Variants in MAP3K15 observed in about 807,000 individuals in gnomAD.
The protein encoded by MAP3K15 is mitogen-activated protein kinase kinase kinase 15, also known as MAPK/ERK kinase kinase 15.
In MAP3K15, 124 loss-of-function variants were observed where a neutral mutation model predicts 99.5. That is an observed-to-expected ratio of 1.25 (90% CI 1.08 to 1.45). The LOEUF is 1.45. Ranked by LOEUF, MAP3K15 falls within the 40% of genes most tolerant of loss-of-function variation. The probability of loss-of-function intolerance (pLI) is 0.00; values close to 1 mark genes in which losing one functional copy is unlikely to be tolerated. For synonymous variants in MAP3K15, 494 were observed against 439.6 expected (o/e 1.12, Z -1.55); for missense variants, 1,242 against 1,079.7 (o/e 1.15, Z -2.11).
chrX:19,413,229 G>C, intron 11 of MAP3K15, 128 bp downstream of exon 11: 1 of 492,749 alleles, frequency 2.0e-6, no homozygotes, highest in Non-Finnish European at 3.5e-6. Flanking sequence ...TCTCTCATCT[G>C]TGATGATACT....
At chrX:19,477,664 C>A in intron 3 of MAP3K15, among the ~76,000 whole-genome samples, 1 of 67,410 alleles carries the variant, frequency 1.5e-5, no homozygotes, top group African/African-American at 5.1e-5. Flanking sequence ...GAGCCAAGAT[C>A]ATGCCACTGC....
At chrX:19,426,381 A>G (rs781469974) in intron 7 of MAP3K15, 38 bp from the exon 8 acceptor site, 2 of 825,562 alleles carry the variant, frequency 2.4e-6, no homozygotes, top group East Asian at 7.8e-5. Flanking sequence ...ATTATATTAC[A>G]ACAAAAAATG....
chrX:19,460,266 GC>G, intron 4 of MAP3K15, 113 bp from the exon 5 acceptor site: 1 of 445,187 alleles, frequency 2.2e-6, no homozygotes. Flanking sequence ...AGGGACCTCG[GC>G]CCAGACCTGA....
At chrX:19,398,063 C>CAAA (rs147279112) in intron 15 of MAP3K15, among the ~76,000 whole-genome samples, 163 bp downstream of exon 15, 1 of 50,242 alleles carries the variant, frequency 2.0e-5, no homozygotes, top group African/African-American at 5.7e-5. Flanking sequence ...GACTCCGTTT[C>CAAA]AAAAAAAAAA....
intron 3 of MAP3K15, among the ~76,000 whole-genome samples, chrX:19,486,087 A>G (rs1484478766): frequency 9.0e-6 from 1 of 111,426 alleles, no homozygotes; most frequent in Non-Finnish European, 1.9e-5. Context: ...CTGGCATACA[A>G]CTTCACGTTC....
chrX:19,418,842 T>C (rs775984138), intron 9 of MAP3K15, among the ~76,000 whole-genome samples: 7 of 111,912 alleles, frequency 6.3e-5, no homozygotes, highest in Non-Finnish European at 1.1e-4. Flanking sequence ...CTGATCTCTC[T>C]GCAGAAACTC....
intron 3 of MAP3K15, among the ~76,000 whole-genome samples, chrX:19,475,015 G>A (rs1281516832): frequency 9.0e-6 from 1 of 110,643 alleles, no homozygotes. Flanking sequence ...AGGGAGGATG[G>A]TTTCAGGATG....
At chrX:19,483,930 GT>G (rs1335777384) in intron 3 of MAP3K15, among the ~76,000 whole-genome samples, 2 of 111,497 alleles carry the variant, frequency 1.8e-5, no homozygotes, top group Non-Finnish European at 3.8e-5. Flanking sequence ...TCAAGGCTTA[GT>G]TCCCTTTAGC....
rs765965556 is a variant in MAP3K15 at position 19,400,581 on chromosome X, A to G, written c.1927T>C (p.Leu643=). ...CTAGATCGTCCATGACTCACCTCCAAGGTGTCTCCATCGGTCTCTCCCTCC... is the reference window on the plus strand; with the variant it reads ...CTAGATCGTCCATGACTCACCTCCAGGGTGTCTCCATCGGTCTCTCCCTCC... ...ELEGETDGDT[L]EYEYDHDANG... The change falls in exon 14 of 29, where the codon TTG becomes CTG. Residue 643 remains leucine, a synonymous_variant. Coordinates refer to ENST00000338883, the MANE Select transcript of MAP3K15 (RefSeq NM_001001671.4). 1 of 1,193,664 alleles carries G rather than the reference A, an allele frequency of 8.4e-7. No homozygotes were observed. The highest frequency in any genetic ancestry group is 1.1e-6 in the Non-Finnish European group (1 of 880,355).
At chrX:19,453,962 C>T (rs1260186518) in intron 6 of MAP3K15, among the ~76,000 whole-genome samples, 1 of 111,593 alleles carries the variant, frequency 9.0e-6, no homozygotes, top group Admixed American at 9.5e-5. Context: ...GAGACTAAGG[C>T]TCAGGTGAAT....
Position 19,474,546 on chromosome X carries a change from G to GA in MAP3K15, c.526-10141_526-10140insT, listed in dbSNP as rs1318127479. On this transcript the variant is annotated intron_variant, in intron 3 of 28. Transcript: ENST00000338883. ...AGATCCAGTCATTCTTGGAGGTTGG[G>GA]GGGGGGGGTCTGTGAACTTGAAAGA... Among the ~76,000 whole-genome samples the GA allele has an allele frequency of 5.1e-5, 5 of 97,178 alleles. 1 individual carries two copies. The highest frequency in any genetic ancestry group is 1.1e-4 in the Admixed American group (1 of 9,104). 84.4% of individuals were successfully genotyped at this position (97,178 alleles called of 115,157 possible). A position where few individuals can be genotyped will look rare whatever the true frequency, so the allele number is the denominator to read the frequency against.
intron 2 of MAP3K15, 116 bp from the exon 3 acceptor site, chrX:19,486,621 A>G (rs1171930409): frequency 3.3e-6 from 1 of 299,172 alleles, no homozygotes. Flanking sequence ...TAATCACATA[A>G]AAGCACCCAC....
chrX:19,470,575 G>A (rs1030069867), intron 3 of MAP3K15, among the ~76,000 whole-genome samples: 1 of 109,946 alleles, frequency 9.1e-6, no homozygotes, highest in Non-Finnish European at 1.9e-5. Context: ...GACATCAGAG[G>A]CTGCCCATTG....
Position 19,486,485 on chromosome X carries a change from GT to G in MAP3K15, c.521del (p.Asn174ThrfsTer15). The G allele has an allele frequency of 2.0e-5, 17 of 848,030 alleles. No homozygotes were observed. Among genetic ancestry groups the G allele is most frequent in the East Asian group, 3.8e-5 (1 of 26,608 alleles). The allele number at this position is 848,030 out of a possible 1,213,427, so 69.9% of individuals were successfully genotyped here. A position where few individuals can be genotyped will look rare whatever the true frequency, so the allele number is the denominator to read the frequency against. ...LSLKDMVTQK[N>X]TASSGNYYFI... Reference sequence around the variant, plus strand: ...TTCTGAAAATGTTAATACTTACTGTGTTTTTTTGAGTTACCATGTCCTGAAA... The same window carrying G: ...TTCTGAAAATGTTAATACTTACTGTGTTTTTTGAGTTACCATGTCCTGAAA... On this transcript the variant is annotated frameshift_variant, in exon 3 of 29. Coordinates refer to ENST00000338883, the MANE Select transcript of MAP3K15 (RefSeq NM_001001671.4). LOFTEE classifies it high-confidence loss of function.
At chrX:19,372,094 G>A (rs2063379153) in intron 22 of MAP3K15, among the ~76,000 whole-genome samples, 2 of 103,120 alleles carry the variant, frequency 1.9e-5, no homozygotes, top group Admixed American at 2.2e-4. Flanking sequence ...AGATCACACC[G>A]CTGCACTCCA....
At chrX:19,465,120 C>T (rs2064157163) in intron 3 of MAP3K15, among the ~76,000 whole-genome samples, 1 of 110,925 alleles carries the variant, frequency 9.0e-6, no homozygotes, top group African/African-American at 3.3e-5. Flanking sequence ...TCTCAAACTT[C>T]AGGGCTCAAA....
chrX:19,461,287 G>A (rs2064131491), intron 4 of MAP3K15, among the ~76,000 whole-genome samples: 1 of 111,314 alleles, frequency 9.0e-6, no homozygotes, highest in Admixed American at 9.5e-5. Context: ...CCAGAACGGG[G>A]TTTCACCATG....
chrX:19,412,388 C>G (rs189530296), intron 11 of MAP3K15, among the ~76,000 whole-genome samples: 19 of 112,320 alleles, frequency 1.7e-4, no homozygotes, highest in Non-Finnish European at 3.2e-4. Context: ...GTGCATGATA[C>G]AGGCAATTGG....
At chrX:19,412,026 A>G (rs1376782067) in intron 11 of MAP3K15, among the ~76,000 whole-genome samples, 1 of 112,009 alleles carries the variant, frequency 8.9e-6, no homozygotes, top group Non-Finnish European at 1.9e-5. Context: ...ATGAGTCCAA[A>G]GTCATGCAGA....
Sources: gnomAD v4.1 joint callset for allele counts (sites outside exome capture counted in the v4.1 genomes callset) on GRCh38, gnomAD v4.1.1 for gene constraint, MANE v1.5 for transcripts, NCBI Gene and HGNC (gene_info 2026-07-23, HGNC 2026-07-21) for gene names.